Variants in SLC22A4 observed in about 807,000 individuals in gnomAD.
SLC22A4 encodes ET transporter.
In SLC22A4, 39 loss-of-function variants were observed where a neutral mutation model predicts 56.6. The observed-to-expected ratio is 0.69, with a 90% CI of 0.53 to 0.90. The LOEUF (loss-of-function observed/expected upper bound fraction) is 0.90. Ranked by LOEUF, SLC22A4 falls within the 40% of genes least tolerant of loss-of-function variation. The pLI is 0.00. For synonymous variants in SLC22A4, 241 were observed against 281.4 expected (o/e 0.86, Z 1.44); for missense variants, 594 against 696.5 (o/e 0.85, Z 1.66).
intron 1 of SLC22A4, among the ~76,000 whole-genome samples, chr5:132,303,295 T>TACAC (rs57867025): frequency 7.9e-4 from 119 of 150,832 alleles, no homozygotes; most frequent in African/African-American, 2.5e-3. Flanking sequence ...CTGGTGAAAA[T>TACAC]ACACACACAC....
At chr5:132,325,947 T>A (rs1750676206) in intron 4 of SLC22A4, among the ~76,000 whole-genome samples, 1 of 152,176 alleles carries the variant, frequency 6.6e-6, no homozygotes, top group Admixed American at 6.5e-5. Flanking sequence ...AATGACCCAA[T>A]GACCCAAAAA....
chr5:132,297,069 G>A (rs1749795799), intron 1 of SLC22A4, among the ~76,000 whole-genome samples: 1 of 152,216 alleles, frequency 6.6e-6, no homozygotes, highest in African/African-American at 2.4e-5. Flanking sequence ...TGTAATCCCA[G>A]TACTTTGAGA....
chr5:132,298,730 C>A (rs1250972994), intron 1 of SLC22A4, among the ~76,000 whole-genome samples: 1 of 152,150 alleles, frequency 6.6e-6, no homozygotes, highest in Non-Finnish European at 1.5e-5. Flanking sequence ...CAGAGTGTGG[C>A]ACCAGCAAAG....
In SLC22A4 at chr5:132,327,419, T is replaced by TGAAA. The variant is rs1750719003; in HGVS notation, c.951+17_951+18insAAAG. 5.6e-6 allele frequency: 9 copies of TGAAA among 1,607,218 alleles called. No individual in the cohort carries two copies. Among genetic ancestry groups the TGAAA allele is most frequent in the Non-Finnish European group, 7.7e-6 (9 of 1,173,796 alleles). On this transcript the variant is annotated intron_variant, in intron 5 of 9. Transcript: ENST00000200652. The stretch of plus-strand genomic sequence containing the variant: ...TTCTGTGGAGGTAAGCATTTGCAGA[T>TGAAA]GTTTCCTCTTGAGATCAGCTATGCA...
At chr5:132,310,584 C>T (rs951304963) in intron 1 of SLC22A4, among the ~76,000 whole-genome samples, 8 of 152,312 alleles carry the variant, frequency 5.3e-5, no homozygotes, top group South Asian at 2.1e-4. Flanking sequence ...AGCAGCAGAG[C>T]GCTAACTTCC....
intron 1 of SLC22A4, among the ~76,000 whole-genome samples, chr5:132,309,198 G>A (rs967237980): frequency 2.6e-5 from 4 of 152,168 alleles, no homozygotes; most frequent in African/African-American, 9.7e-5. Flanking sequence ...CTAGCCCTTC[G>A]CTCCAGGTAG....
At chr5:132,306,429 ATATATATATATATAGTTGTT>A (rs1363097422) in intron 1 of SLC22A4, among the ~76,000 whole-genome samples, 7 of 69,358 alleles carry the variant, frequency 1.0e-4, no homozygotes, top group Admixed American at 1.5e-4. Context: ...ATATATATAT[ATATATATATATATAGTTGTT>A]GTTGTTGTTG....
chr5:132,343,988 T>A lies in SLC22A4; in HGVS notation c.*153T>A. 1.6e-6 allele frequency: 1 copy of A among 608,224 alleles called. No homozygotes were observed. Among genetic ancestry groups the A allele is most frequent in the Non-Finnish European group, 3.0e-6 (1 of 337,896 alleles). The allele number at this position is 608,224 out of a possible 1,614,324, so 37.7% of individuals were successfully genotyped here. On this transcript the variant is annotated 3_prime_UTR_variant, in exon 10 of 10. Transcript: ENST00000200652. Reference sequence around the variant, plus strand: ...TGCTCGTCATACAGTAAACTCTGGATGATTCTTCCAGATAATGTCCTTGCT... The same window carrying A: ...TGCTCGTCATACAGTAAACTCTGGAAGATTCTTCCAGATAATGTCCTTGCT...
At chr5:132,325,532 T>C (rs1750664900) in intron 4 of SLC22A4, among the ~76,000 whole-genome samples, 1 of 152,172 alleles carries the variant, frequency 6.6e-6, no homozygotes, top group Non-Finnish European at 1.5e-5. Context: ...TTTCAACTCA[T>C]GTGCTATTAA....
At chr5:132,329,040 G>A (rs1750779228) in intron 5 of SLC22A4, among the ~76,000 whole-genome samples, 1 of 151,792 alleles carries the variant, frequency 6.6e-6, no homozygotes, top group Non-Finnish European at 1.5e-5. Flanking sequence ...CTGGGCTCAA[G>A]CAATCCTCCC....
At chr5:132,310,524 G>A (rs977035225) in intron 1 of SLC22A4, among the ~76,000 whole-genome samples, 1 of 152,204 alleles carries the variant, frequency 6.6e-6, no homozygotes, top group Non-Finnish European at 1.5e-5. Context: ...CCCCAGGCGA[G>A]GCAATCCTGC....
chr5:132,314,588 C>CTCA (rs1750280749), intron 3 of SLC22A4, among the ~76,000 whole-genome samples: 1 of 152,196 alleles, frequency 6.6e-6, no homozygotes, highest in Non-Finnish European at 1.5e-5. Context: ...GGCTCAGTAC[C>CTCA]ATCCCAATTT....
rs750324946 is a variant in SLC22A4, at chr5:132,334,936, A to G, written c.1261+4A>G. 4 of 1,601,358 alleles carry G rather than the reference A, an allele frequency of 2.5e-6. No homozygotes were observed. The highest frequency in any genetic ancestry group is 3.3e-5 in the Admixed American group (2 of 59,998). On this transcript the variant is annotated splice_donor_region_variant and intron_variant, in intron 7 of 9. Transcript: ENST00000200652. The stretch of plus-strand genomic sequence containing the variant: ...TTCATTCAACTGGTACCTGTGGGTA[A>G]GAAGTTAACCAAGATGAACAGCTTA...
At chr5:132,331,892 A>T in intron 6 of SLC22A4, 42 bp downstream of exon 6, 1 of 1,237,710 alleles carries the variant, frequency 8.1e-7, no homozygotes, top group Non-Finnish European at 1.2e-6. Flanking sequence ...TCCAGCACAT[A>T]AGTATGCAAC....
In SLC22A4 at chr5:132,335,692, T is replaced by G. The variant is rs116097884; in HGVS notation, c.1262-126T>G. On this transcript the variant is annotated intron_variant, in intron 7 of 9. Transcript: ENST00000200652. ...ATTAGGACATTTGAAGAGAAAATGC[T>G]ATTTTGGGAATATATTTATGTTAAT... 8.2e-5 allele frequency: 67 copies of G among 817,382 alleles called. No homozygotes were observed. The African/African-American group carries it at 9.3e-4, about 11-fold the overall frequency. The allele number at this position is 817,382 out of a possible 1,614,324, so 50.6% of individuals were successfully genotyped here.
At chr5:132,301,889 C>T (rs1226860167) in intron 1 of SLC22A4, among the ~76,000 whole-genome samples, 1 of 152,220 alleles carries the variant, frequency 6.6e-6, no homozygotes, top group Non-Finnish European at 1.5e-5. Flanking sequence ...GTCAAGATAG[C>T]CTGAATATTA....
chr5:132,343,371 A>G (rs975867885), intron 9 of SLC22A4, among the ~76,000 whole-genome samples: 1 of 152,240 alleles, frequency 6.6e-6, no homozygotes, highest in Non-Finnish European at 1.5e-5. Context: ...TGGCCTTGAT[A>G]AAGGTAACTC....
Position 132,334,841 on chromosome 5 carries a change from G to A in SLC22A4, c.1170G>A (p.Leu390=). The A allele has an allele frequency of 6.2e-7, 1 of 1,613,752 alleles. No individual in the cohort carries two copies. Among genetic ancestry groups the A allele is most frequent in the Non-Finnish European group, 8.5e-7 (1 of 1,179,644 alleles). ...IEIPAYITAW[L]LLRTLPRRYI... ...TTCCAGCTTACATTACAGCCTGGCTGCTATTGCGAACCCTGCCCAGGCGTT... is the reference window on the plus strand; with the variant it reads ...TTCCAGCTTACATTACAGCCTGGCTACTATTGCGAACCCTGCCCAGGCGTT... The change falls in exon 7 of 10, where the codon CTG becomes CTA. Residue 390 remains leucine, a synonymous_variant. Coordinates refer to ENST00000200652, the MANE Select transcript of SLC22A4 (RefSeq NM_003059.3).
chr5:132,330,446 C>T (rs1412683004), intron 5 of SLC22A4, among the ~76,000 whole-genome samples: 1 of 152,176 alleles, frequency 6.6e-6, no homozygotes, highest in Non-Finnish European at 1.5e-5. Flanking sequence ...AAAGAATAGG[C>T]CGGGCGCAGT....
Sources: gnomAD v4.1 joint callset for allele counts (sites outside exome capture counted in the v4.1 genomes callset) on GRCh38, gnomAD v4.1.1 for gene constraint, MANE v1.5 for transcripts, NCBI Gene and HGNC (gene_info 2026-07-23, HGNC 2026-07-21) for gene names.